The following OR2L5 variants were observed in gnomAD, a reference collection of about 807,000 sequenced individuals.
OR2L5 encodes the protein olfactory receptor family 2 subfamily L member 5, also known as olfactory receptor 2L5.
For missense variants in OR2L5, 413 were observed against 381.6 expected (o/e 1.08, Z -0.69); for synonymous variants, 169 against 142.0 (o/e 1.19, Z -1.35).
At position 248,022,069 on chromosome 1, in the gene OR2L5, A is replaced by G; in HGVS notation, c.122A>G (p.Asn41Ser). ...ATTTTCCTAATGGCTCTAATTGGAA[A>G]CCTATCCATGATTCTTCTCATCTTC... ...VLIFLMALIG[N>S]LSMILLIFLD... Residue 41 changes from asparagine to serine, a missense_variant, in exon 2 of 2, where the codon AAC (asparagine) becomes AGC (serine). Transcript: ENST00000355281. 1 of 1,613,786 alleles carries G rather than the reference A, an allele frequency of 6.2e-7. No individual in the cohort carries two copies. Among genetic ancestry groups the G allele is most frequent in the Non-Finnish European group, 8.5e-7 (1 of 1,179,828 alleles).
rs1407594424 is a variant in OR2L5 at position 248,022,439 on chromosome 1, T to C, written c.492T>C (p.Arg164=). The stretch of plus-strand genomic sequence containing the variant: ...GTGCTCACACAGTATATGCATTCCG[T>C]ATCCCATATTGCAAGTCCAGAGCCA... ...NSCAHTVYAF[R]IPYCKSRAIN... Residue 164 remains arginine (R), a synonymous_variant, in exon 2 of 2, where the codon CGT becomes CGC. Coordinates refer to ENST00000355281, the MANE Select transcript of OR2L5 (RefSeq NM_001258284.2). 1 of 1,614,078 alleles carries C rather than the reference T, an allele frequency of 6.2e-7. No homozygotes were observed. The highest frequency in any genetic ancestry group is 8.5e-7 in the Non-Finnish European group (1 of 1,180,040).
At position 248,022,524 on chromosome 1, in the gene OR2L5, G is replaced by A. The variant is rs1219959983; in HGVS notation, c.577G>A (p.Val193Ile). The A allele has an allele frequency of 1.9e-6, 3 of 1,614,106 alleles. No homozygotes were observed. Among genetic ancestry groups the A allele is most frequent in the Admixed American group, 3.3e-5 (2 of 60,018 alleles). The change falls in exon 2 of 2, where the codon GTC (valine) becomes ATC (isoleucine). Residue 193 changes from valine to isoleucine, a missense_variant. Physicochemically the swap from Val to Ile is conservative, Grantham distance 29 (BLOSUM62 3). Coordinates refer to ENST00000355281, the MANE Select transcript of OR2L5 (RefSeq NM_001258284.2). ...GACATTAGCCTGTACAGACACCTGGGTCTATGAGTACACAGTGTTTTTGAG... is the reference window on the plus strand; with the variant it reads ...GACATTAGCCTGTACAGACACCTGGATCTATGAGTACACAGTGTTTTTGAG... The part of the protein sequence containing the change: ...MLTLACTDTW[V>I]YEYTVFLSST...
At chr1:248,014,970 C>A (rs1331241676) in intron 1 of OR2L5, among the ~76,000 whole-genome samples, 1 of 152,164 alleles carries the variant, frequency 6.6e-6, no homozygotes, top group African/African-American at 2.4e-5. Flanking sequence ...ATACTTCATA[C>A]TCACTTTCAT....
At position 248,015,017 on chromosome 1, in the gene OR2L5, C is replaced by T. The variant is rs558796562; in HGVS notation, c.-22+1279C>T. ...GTCTATCCATGAAAATGTCTGTCTGCCCACTTACCTATGTATCTATCTATG... is the reference window on the plus strand; with the variant it reads ...GTCTATCCATGAAAATGTCTGTCTGTCCACTTACCTATGTATCTATCTATG... On this transcript the variant is annotated intron_variant, in intron 1 of 1. Transcript: ENST00000355281. 2.8e-4 allele frequency among the ~76,000 whole-genome samples: 43 copies of T among 152,180 alleles called. No individual in the cohort carries two copies. The South Asian group carries it at 7.5e-3, about 26-fold the overall frequency.
chr1:248,023,120 G>A lies in OR2L5; in HGVS notation c.*234G>A. On this transcript the variant is annotated 3_prime_UTR_variant, in exon 2 of 2. Coordinates refer to ENST00000355281, the MANE Select transcript of OR2L5 (RefSeq NM_001258284.2). ...CATATATTTTACACTAAATTGTAAG[G>A]CCATAGAATTTCATTATCATGTATA... 1 of 367,016 alleles carries A rather than the reference G, an allele frequency of 2.7e-6. No homozygotes were observed. The highest frequency in any genetic ancestry group is 4.9e-6 in the Non-Finnish European group (1 of 204,512). 22.7% of individuals were successfully genotyped at this position (367,016 alleles called of 1,614,324 possible).
intron 1 of OR2L5, among the ~76,000 whole-genome samples, chr1:248,019,927 A>G (rs1662295110): frequency 6.6e-6 from 1 of 152,064 alleles, no homozygotes; most frequent in Non-Finnish European, 1.5e-5. Context: ...AGCTGGGACT[A>G]CTGGTGCGAG....
Position 248,021,999 on chromosome 1 carries a change from C to T in OR2L5, c.52C>T (p.Pro18Ser). 5.0e-6 allele frequency: 8 copies of T among 1,613,802 alleles called. No individual in the cohort carries two copies. Among genetic ancestry groups the T allele is most frequent in the Non-Finnish European group, 6.8e-6 (8 of 1,179,832 alleles). Residue 18 changes from proline to serine, a missense_variant, in exon 2 of 2, where the codon CCA becomes TCA. By Grantham distance (74) the Pro-to-Ser change is moderately conservative. Transcript: ENST00000355281. ...TGATTTCATCTTATTGGGGCTGTTC[C>T]CACCATCAAAAATTGGCCTTTTCCT... ...STDFILLGLF[P>S]PSKIGLFLFI...
chr1:248,018,807 C>T (rs181624563), intron 1 of OR2L5, among the ~76,000 whole-genome samples: 19 of 152,298 alleles, frequency 1.2e-4, no homozygotes, highest in Admixed American at 2.6e-4. Context: ...TTCTCCTTGT[C>T]TCCCTTCCCC....
chr1:248,017,580 A>C (rs34363256), intron 1 of OR2L5, among the ~76,000 whole-genome samples: 58 of 152,220 alleles, frequency 3.8e-4, no homozygotes, highest in Non-Finnish European at 7.6e-4. Flanking sequence ...CCTTATTGGG[A>C]AGTGCTTCCC....
At chr1:248,017,231 T>C (rs1662220398) in intron 1 of OR2L5, among the ~76,000 whole-genome samples, 1 of 152,182 alleles carries the variant, frequency 6.6e-6, no homozygotes, top group Admixed American at 6.5e-5. Flanking sequence ...ATTCTGTGGA[T>C]AAAAAATTAA....
Position 248,022,383 on chromosome 1 carries a change from G to C in OR2L5, c.436G>C (p.Gly146Arg). 6.2e-7 allele frequency: 1 copy of C among 1,614,160 alleles called. No homozygotes were observed. ...AAGAATGTATGTGCTGATGATAACA[G>C]GATCTTGGATGATAGGCTCCATCAA... Reference protein sequence around the residue: ...SKRMYVLMITGSWMIGSINSC... With the variant: ...SKRMYVLMITRSWMIGSINSC... The change falls in exon 2 of 2, where the codon GGA becomes CGA. Residue 146 changes from glycine (G) to arginine (R), a missense_variant. Gly to Arg is a moderately radical substitution (Grantham distance 125). Transcript: ENST00000355281.
intron 1 of OR2L5, among the ~76,000 whole-genome samples, chr1:248,015,479 T>C (rs1558183501): frequency 6.6e-6 from 1 of 152,160 alleles, no homozygotes; most frequent in African/African-American, 2.4e-5. Context: ...TTTTAAGGAA[T>C]TCAGGCTGAC....
chr1:248,022,624 G>T lies in OR2L5; in HGVS notation c.677G>T (p.Arg226Leu). Residue 226 changes from arginine to leucine, a missense_variant, in exon 2 of 2, where the codon CGC (arginine) becomes CTC (leucine). Transcript: ENST00000355281. ...SYGWVLLAVY[R>L]MHSAEGRKKA... ...GGCTGGGTTCTCCTTGCTGTCTACC[G>T]CATGCACTCTGCAGAAGGGAGGAAA... is the stretch of plus-strand genomic sequence containing the variant. 3.1e-6 allele frequency: 5 copies of T among 1,614,032 alleles called. No homozygotes were observed. The highest frequency in any genetic ancestry group is 4.2e-6 in the Non-Finnish European group (5 of 1,179,978).
intron 1 of OR2L5, among the ~76,000 whole-genome samples, chr1:248,019,555 A>G (rs1662287049): frequency 6.6e-6 from 1 of 152,136 alleles, no homozygotes; most frequent in African/African-American, 2.4e-5. Flanking sequence ...ATATGGTGTA[A>G]AGTAAGCATC....
At chr1:248,016,656 G>T (rs955906740) in intron 1 of OR2L5, among the ~76,000 whole-genome samples, 1 of 151,870 alleles carries the variant, frequency 6.6e-6, no homozygotes, top group Non-Finnish European at 1.5e-5. Flanking sequence ...CAGATGTACT[G>T]CCTAAAAATA....
chr1:248,022,417 C>T lies in OR2L5; in HGVS notation c.470C>T (p.Ala157Val), dbSNP rs575592037. Residue 157 changes from alanine to valine, a missense_variant, in exon 2 of 2, where the codon GCT becomes GTT. By Grantham distance (64) the Ala-to-Val change is moderately conservative. Coordinates refer to ENST00000355281, the MANE Select transcript of OR2L5 (RefSeq NM_001258284.2). ...SWMIGSINSC[A>V]HTVYAFRIPY... ...ATGATAGGCTCCATCAACTCTTGTGCTCACACAGTATATGCATTCCGTATC... is the reference window on the plus strand; with the variant it reads ...ATGATAGGCTCCATCAACTCTTGTGTTCACACAGTATATGCATTCCGTATC... 9.3e-6 allele frequency: 15 copies of T among 1,614,152 alleles called. No homozygotes were observed. The South Asian group carries it at 1.3e-4, about 14-fold the overall frequency.
Position 248,022,422 on chromosome 1 carries a change from A to C in OR2L5, c.475A>C (p.Thr159Pro). Residue 159 changes from threonine (T) to proline (P), a missense_variant, in exon 2 of 2, where the codon ACA becomes CCA. Transcript: ENST00000355281. ...MIGSINSCAH[T>P]VYAFRIPYCK... ...AGGCTCCATCAACTCTTGTGCTCAC[A>C]CAGTATATGCATTCCGTATCCCATA... The C allele has an allele frequency of 3.1e-6, 5 of 1,614,230 alleles. No individual in the cohort carries two copies. Among genetic ancestry groups the C allele is most frequent in the Non-Finnish European group, 4.2e-6 (5 of 1,180,046 alleles).
At position 248,023,106 on chromosome 1, in the gene OR2L5, C is replaced by T. The variant is rs1443418603; in HGVS notation, c.*220C>T. The T allele has an allele frequency of 2.4e-6, 1 of 417,018 alleles. No homozygotes were observed. The highest frequency in any genetic ancestry group is 5.2e-5 in the South Asian group (1 of 19,144). The allele number at this position is 417,018 out of a possible 1,614,324, so 25.8% of individuals were successfully genotyped here. A position where few individuals can be genotyped will look rare whatever the true frequency, so the allele number is the denominator to read the frequency against. ...ATCAAAAGACAGATCATATATTTTA[C>T]ACTAAATTGTAAGGCCATAGAATTT... On this transcript the variant is annotated 3_prime_UTR_variant, in exon 2 of 2. Coordinates refer to ENST00000355281, the MANE Select transcript of OR2L5 (RefSeq NM_001258284.2).
At position 248,022,071 on chromosome 1, in the gene OR2L5, C is replaced by A. The variant is rs1039126938; in HGVS notation, c.124C>A (p.Leu42Ile). The A allele has an allele frequency of 1.9e-6, 3 of 1,613,820 alleles. No homozygotes were observed. The African/African-American group carries it at 4.0e-5, about 22-fold the overall frequency. ...TTTCCTAATGGCTCTAATTGGAAAC[C>A]TATCCATGATTCTTCTCATCTTCTT... ...LIFLMALIGNLSMILLIFLDT... is the reference protein window; with the variant it reads ...LIFLMALIGNISMILLIFLDT... Residue 42 changes from leucine to isoleucine, a missense_variant, in exon 2 of 2, where the codon CTA becomes ATA. Transcript: ENST00000355281.
Sources: allele counts gnomAD v4.1 joint callset (sites outside exome capture counted in the v4.1 genomes callset), GRCh38; gene constraint gnomAD v4.1.1; transcripts MANE v1.5; gene names NCBI Gene and HGNC (gene_info 2026-07-23, HGNC 2026-07-21).